DMD: variants seen among roughly 807,000 people sequenced by gnomAD.
The protein encoded by DMD is dystrophin, also known as mutant dystrophin.
In DMD, 63 loss-of-function variants were observed where a neutral mutation model predicts 330.1. That is an observed-to-expected ratio of 0.19 (90% CI 0.16 to 0.24). DMD has a LOEUF of 0.24. DMD is among the 10% of genes least tolerant of loss of function. The probability of loss-of-function intolerance (pLI) is 1.00; values close to 1 mark genes in which losing one functional copy is unlikely to be tolerated. For synonymous variants in DMD, 1,223 were observed against 959.8 expected, an observed-to-expected ratio of 1.27 and a Z score of -5.07; for missense variants, 3,344 against 2,684.1, an observed-to-expected ratio of 1.25 and a Z score of -5.43.
intron 44 of DMD, among the ~76,000 whole-genome samples, chrX:32,161,311 C>G (rs1338639666): frequency 9.0e-6 from 1 of 111,282 alleles, no homozygotes; most frequent in African/African-American, 3.3e-5. Flanking sequence ...AATCTAAGAC[C>G]CTTAATGGTT....
At chrX:32,699,661 A>G (rs748956181) in intron 7 of DMD, among the ~76,000 whole-genome samples, 5 of 111,799 alleles carry the variant, frequency 4.5e-5, no homozygotes, top group African/African-American at 9.7e-5. Context: ...TAACATGTCA[A>G]TTCAAATGGT....
At chrX:32,482,767 G>A (rs896308286) in intron 21 of DMD, among the ~76,000 whole-genome samples, 1 of 111,144 alleles carries the variant, frequency 9.0e-6, no homozygotes. Flanking sequence ...GTTATGCATA[G>A]AGTAAAAAGT....
In DMD at chrX:32,468,657, G is replaced by T; in HGVS notation, c.3003C>A (p.Thr1001=). The change falls in exon 23 of 79, where the codon ACC becomes ACA. Residue 1001 remains threonine (T), a synonymous_variant. Transcript: ENST00000357033. The part of the protein sequence containing the change: ...EQQSGLYYLS[T]TVKEMSKKAP... ...CTTTCTTCGACATCTCTTTCACAGTGGTGCTGAGATAGTATAGGCCACTTT... is the reference window on the plus strand; with the variant it reads ...CTTTCTTCGACATCTCTTTCACAGTTGTGCTGAGATAGTATAGGCCACTTT... The T allele has an allele frequency of 1.7e-6, 2 of 1,211,164 alleles. No individual in the cohort carries two copies.
chrX:31,927,593 A>G (rs2094796744), intron 47 of DMD, among the ~76,000 whole-genome samples: 1 of 110,497 alleles, frequency 9.1e-6, no homozygotes, highest in Non-Finnish European at 1.9e-5. Context: ...AAAAGTCTGT[A>G]TCTTTACACA....
intron 53 of DMD, among the ~76,000 whole-genome samples, chrX:31,671,837 C>A (rs1480526949): frequency 9.0e-6 from 1 of 111,374 alleles, no homozygotes; most frequent in Non-Finnish European, 1.9e-5. Flanking sequence ...TTGACCTTTT[C>A]AAATAACTAA....
At chrX:32,041,281 C>T (rs2096000197) in intron 44 of DMD, among the ~76,000 whole-genome samples, 1 of 111,799 alleles carries the variant, frequency 8.9e-6, no homozygotes, top group Admixed American at 9.5e-5. Context: ...ACCTGTTTCG[C>T]CCACATTGAA....
chrX:33,295,769 A>G (rs1318947682), intron 1 of DMD, among the ~76,000 whole-genome samples: 1 of 111,091 alleles, frequency 9.0e-6, no homozygotes, highest in Non-Finnish European at 1.9e-5. Context: ...GATGTTGTAA[A>G]TCCATTCACT....
At chrX:33,095,115 A>G (rs1451053902) in intron 1 of DMD, among the ~76,000 whole-genome samples, 3 of 112,655 alleles carry the variant, frequency 2.7e-5, no homozygotes, top group South Asian at 3.6e-4. Context: ...ATACACATAT[A>G]TAATTTTTAA....
chrX:32,152,299 C>A (rs181867439), intron 44 of DMD, among the ~76,000 whole-genome samples: 17 of 111,344 alleles, frequency 1.5e-4, no homozygotes, highest in African/African-American at 5.5e-4. Flanking sequence ...ATCTATTATG[C>A]TTGTATATTG....
chrX:31,627,723 T>C lies in DMD; in HGVS notation c.8167A>G (p.Arg2723Gly), dbSNP rs2078919602. ...NVLQDATRKE[R>G]LLEDSKGVKE... ...ACTCCCTTGGAGTCTTCTAGGAGCC[T>C]TTCCTTACGGGTAGCATCCTGTAGG... Residue 2723 changes from arginine (R) to glycine (G), a missense_variant, in exon 55 of 79, where the codon AGG becomes GGG. Physicochemically the swap from Arg to Gly is moderately radical, Grantham distance 125. Transcript: ENST00000357033. The C allele has an allele frequency of 8.3e-7, 1 of 1,211,512 alleles. No homozygotes were observed. The highest frequency in any genetic ancestry group is 1.1e-6 in the Non-Finnish European group (1 of 895,413).
At chrX:32,358,038 G>A (rs2097812218) in intron 37 of DMD, among the ~76,000 whole-genome samples, 1 of 109,904 alleles carries the variant, frequency 9.1e-6, no homozygotes, top group South Asian at 3.9e-4. Flanking sequence ...TGAATCCATC[G>A]TATTTTACCT....
chrX:31,228,884 G>T (rs183621255), intron 63 of DMD, among the ~76,000 whole-genome samples: 6 of 112,071 alleles, frequency 5.4e-5, no homozygotes, highest in African/African-American at 1.6e-4. Flanking sequence ...TTTTATCCAG[G>T]GCTGGTTCTA....
At chrX:31,612,903 GT>G (rs903504340) in intron 55 of DMD, among the ~76,000 whole-genome samples, 2 of 112,212 alleles carry the variant, frequency 1.8e-5, no homozygotes, top group East Asian at 2.8e-4. Flanking sequence ...GTAGAAAAAA[GT>G]TTAAAGTTTT....
chrX:31,752,242 G>A (rs746168878), intron 51 of DMD, among the ~76,000 whole-genome samples: 4 of 111,810 alleles, frequency 3.6e-5, no homozygotes, highest in Admixed American at 9.5e-5. Context: ...CATCTTTGGC[G>A]GGGGAGGAGT....
rs187295928 is a variant in DMD at position 31,566,493 on chromosome X, G to A, written c.8218-59040C>T. ...CCAGCAACATCATACTGTATTGATAGCCTTACTATATTGTTAGCCATAATA... is the reference window on the plus strand; with the variant it reads ...CCAGCAACATCATACTGTATTGATAACCTTACTATATTGTTAGCCATAATA... On this transcript the variant is annotated intron_variant, in intron 55 of 78. Transcript: ENST00000357033. Among the ~76,000 whole-genome samples the A allele has an allele frequency of 2.1e-3, 231 of 111,780 alleles. 1 individual carries two copies. Among genetic ancestry groups the A allele is most frequent in the African/African-American group, 6.9e-3 (214 of 30,862 alleles).
intron 7 of DMD, among the ~76,000 whole-genome samples, chrX:32,804,309 T>C (rs778191657): frequency 6.7e-4 from 75 of 112,189 alleles, no homozygotes; most frequent in South Asian, 2.6e-3. Context: ...CCGCCATTAC[T>C]GAGGCTTGAG....
chrX:31,228,267 T>A lies in DMD; in HGVS notation c.9287-5146A>T, dbSNP rs5927709. Among the ~76,000 whole-genome samples the A allele has an allele frequency of 4.9e-3, 193 of 39,381 alleles. 1 individual carries two copies. The highest frequency in any genetic ancestry group is 0.031 in the South Asian group (21 of 686). 34.2% of individuals were successfully genotyped at this position (39,381 alleles called of 115,157 possible). A position where few individuals can be genotyped will look rare whatever the true frequency, so the allele number is the denominator to read the frequency against. Reference sequence around the variant, plus strand: ...AACTTAAAGTATAATAAAAAAAAAATAAAAAAATAAAAAAAAAAAAAAAAG... The same window carrying A: ...AACTTAAAGTATAATAAAAAAAAAAAAAAAAAATAAAAAAAAAAAAAAAAG... On this transcript the variant is annotated intron_variant, in intron 63 of 78. Transcript: ENST00000357033.
intron 1 of DMD, among the ~76,000 whole-genome samples, chrX:33,138,782 T>G (rs933964675): frequency 9.0e-6 from 1 of 111,440 alleles, no homozygotes; most frequent in African/African-American, 3.3e-5. Flanking sequence ...TTACTGGTAC[T>G]TATAACAGTT....
At chrX:31,602,321 GT>G (rs773800072) in intron 55 of DMD, among the ~76,000 whole-genome samples, 2,726 of 91,812 alleles carry the variant, frequency 0.03, 70 homozygotes, top group East Asian at 0.12. Context: ...CCTTTCTCCA[GT>G]TTTTTTTTTT....
Sources: gnomAD v4.1 joint callset for allele counts (sites outside exome capture counted in the v4.1 genomes callset) on GRCh38, gnomAD v4.1.1 for gene constraint, MANE v1.5 for transcripts, NCBI Gene and HGNC (gene_info 2026-07-23, HGNC 2026-07-21) for gene names.